IQGAP2: variants seen among roughly 807,000 people sequenced by gnomAD.
The protein encoded by IQGAP2 is IQ motif containing GTPase activating protein 2, also known as ras GTPase-activating-like protein IQGAP2.
IQGAP2 carries 173 observed loss-of-function variants against 201.3 expected under a neutral mutation model. That is an observed-to-expected ratio of 0.86 (90% CI 0.76 to 0.98). The LOEUF (loss-of-function observed/expected upper bound fraction) is 0.98. IQGAP2 is among the 50% of genes least tolerant of loss of function. The pLI is 0.00. For missense variants in IQGAP2, 1,687 were observed against 1,864.8 expected (o/e 0.90, Z 1.76); for synonymous variants, 675 against 673.9 (o/e 1.00, Z -0.03).
At position 76,631,929 on chromosome 5, in the gene IQGAP2, G is replaced by A; in HGVS notation, c.1683G>A (p.Leu561=). ...GKKSSDILSV[L]KSSTSNANDI... ...AATCAAGTGATATTTTGTCTGTATT[G>A]AAGTCTTCCACTTCTAATGCAAATG... Residue 561 remains leucine, a synonymous_variant, in exon 15 of 36, where the codon TTG becomes TTA. Transcript: ENST00000274364. 1 of 1,612,416 alleles carries A rather than the reference G, an allele frequency of 6.2e-7. No individual in the cohort carries two copies. Among genetic ancestry groups the A allele is most frequent in the Non-Finnish European group, 8.5e-7 (1 of 1,179,006 alleles).
intron 11 of IQGAP2, among the ~76,000 whole-genome samples, chr5:76,602,338 G>A (rs1747483455): frequency 6.6e-6 from 1 of 152,196 alleles, no homozygotes; most frequent in Non-Finnish European, 1.5e-5. Flanking sequence ...GCATCTTGGT[G>A]AGATAACTGT....
chr5:76,540,270 C>T (rs1742674610), intron 2 of IQGAP2, among the ~76,000 whole-genome samples: 1 of 152,116 alleles, frequency 6.6e-6, no homozygotes. Context: ...TAATCTATTT[C>T]ATTGTTCATT....
chr5:76,605,821 A>G (rs1180257575), intron 11 of IQGAP2, among the ~76,000 whole-genome samples: 1 of 152,234 alleles, frequency 6.6e-6, no homozygotes, highest in Non-Finnish European at 1.5e-5. Context: ...TTTGCCCTGT[A>G]ACAATCATCT....
chr5:76,475,865 G>A (rs1043877183), intron 2 of IQGAP2, among the ~76,000 whole-genome samples: 1 of 152,094 alleles, frequency 6.6e-6, no homozygotes, highest in Non-Finnish European at 1.5e-5. Flanking sequence ...CAAAGGGGAG[G>A]ATTTCCTTTG....
At chr5:76,443,629 G>T (rs1753184063) in intron 1 of IQGAP2, among the ~76,000 whole-genome samples, 1 of 152,066 alleles carries the variant, frequency 6.6e-6, no homozygotes, top group Non-Finnish European at 1.5e-5. Flanking sequence ...TGAAAATAAA[G>T]CCGTCTCTCT....
At chr5:76,619,124 TA>T (rs1749331997) in intron 13 of IQGAP2, among the ~76,000 whole-genome samples, 1 of 152,222 alleles carries the variant, frequency 6.6e-6, no homozygotes, top group East Asian at 1.9e-4. Flanking sequence ...GAATGCCAGA[TA>T]AGTTGATTTA....
At chr5:76,471,825 C>A (rs1755129648) in intron 2 of IQGAP2, among the ~76,000 whole-genome samples, 1 of 152,204 alleles carries the variant, frequency 6.6e-6, no homozygotes, top group Non-Finnish European at 1.5e-5. Flanking sequence ...ATAAGCAATG[C>A]TAATAAGAAC....
At chr5:76,438,008 GTTT>G (rs768892670) in intron 1 of IQGAP2, among the ~76,000 whole-genome samples, 8,344 of 91,110 alleles carry the variant, frequency 0.092, 769 homozygotes, top group African/African-American at 0.28. Flanking sequence ...TTGGTCTGTA[GTTT>G]TTTTTTTTTT....
At chr5:76,613,180 G>A (rs1167472359) in intron 13 of IQGAP2, among the ~76,000 whole-genome samples, 1 of 152,236 alleles carries the variant, frequency 6.6e-6, no homozygotes, top group Non-Finnish European at 1.5e-5. Flanking sequence ...CAGGGCGAAT[G>A]CCTGGCCAAG....
chr5:76,582,552 T>C (rs1236357653), intron 5 of IQGAP2, among the ~76,000 whole-genome samples: 1 of 152,200 alleles, frequency 6.6e-6, no homozygotes, highest in Admixed American at 6.5e-5. Context: ...CCACATGTTA[T>C]AGTACAAAAT....
intron 5 of IQGAP2, among the ~76,000 whole-genome samples, chr5:76,584,567 A>G (rs1424003011): frequency 6.6e-6 from 1 of 152,062 alleles, no homozygotes; most frequent in Non-Finnish European, 1.5e-5. Context: ...GCCTAGGACC[A>G]GCAGAACTAT....
At chr5:76,671,587 C>G (rs1397172499) in intron 23 of IQGAP2, among the ~76,000 whole-genome samples, 172 bp from the exon 24 acceptor site, 1 of 151,168 alleles carries the variant, frequency 6.6e-6, no homozygotes, top group Non-Finnish European at 1.5e-5. Flanking sequence ...ACTCAGGAAG[C>G]TGAGGCAGGA....
intron 2 of IQGAP2, among the ~76,000 whole-genome samples, chr5:76,491,445 G>A (rs1045882049): frequency 6.6e-6 from 1 of 151,970 alleles, no homozygotes; most frequent in Non-Finnish European, 1.5e-5. Context: ...TGTTTGAGAG[G>A]TATGCAGGAT....
chr5:76,484,790 A>G (rs2150148595), intron 2 of IQGAP2, among the ~76,000 whole-genome samples: 1 of 152,122 alleles, frequency 6.6e-6, no homozygotes, highest in South Asian at 2.1e-4. Flanking sequence ...CACTGGGATT[A>G]CAGGTGGCCT....
chr5:76,691,119 A>T (rs907535139), intron 30 of IQGAP2, among the ~76,000 whole-genome samples: 2 of 152,244 alleles, frequency 1.3e-5, no homozygotes, highest in Admixed American at 6.5e-5. Context: ...CTTAAGCACT[A>T]GACACACTGT....
At chr5:76,549,356 C>T (rs1743296486) in intron 2 of IQGAP2, among the ~76,000 whole-genome samples, 1 of 150,446 alleles carries the variant, frequency 6.6e-6, no homozygotes, top group Non-Finnish European at 1.5e-5. Flanking sequence ...TGCTTTCAAC[C>T]ATTGTGTTAG....
intron 4 of IQGAP2, among the ~76,000 whole-genome samples, chr5:76,572,906 A>C (rs1315874221): frequency 6.6e-6 from 1 of 152,260 alleles, no homozygotes; most frequent in Non-Finnish European, 1.5e-5. Flanking sequence ...CATTTTTAAT[A>C]TAATTGTGCT....
At chr5:76,538,432 A>G (rs964745040) in intron 2 of IQGAP2, among the ~76,000 whole-genome samples, 6 of 152,218 alleles carry the variant, frequency 3.9e-5, no homozygotes, top group African/African-American at 1.4e-4. Context: ...CAATGGAGGT[A>G]GTCTGAGTCT....
At chr5:76,444,870 A>C (rs1753281948) in intron 1 of IQGAP2, among the ~76,000 whole-genome samples, 3 of 152,186 alleles carry the variant, frequency 2.0e-5, no homozygotes, top group African/African-American at 7.2e-5. Context: ...TTTGGAAATA[A>C]AAGAAAATGT....
Sources: allele counts gnomAD v4.1 joint callset (sites outside exome capture counted in the v4.1 genomes callset), GRCh38; gene constraint gnomAD v4.1.1; transcripts MANE v1.5; gene names NCBI Gene and HGNC (gene_info 2026-07-23, HGNC 2026-07-21).